Variants in COG5 observed in about 807,000 individuals in gnomAD.
The protein encoded by COG5 is component of oligomeric golgi complex 5, also known as conserved oligomeric Golgi complex subunit 5.
In COG5, 86 loss-of-function variants were observed where a neutral mutation model predicts 110.4. The ratio of observed to expected loss-of-function variants is 0.78; its 90% CI spans 0.65 to 0.93. The LOEUF is 0.93. COG5 is among the 40% of genes least tolerant of loss of function. The probability of loss-of-function intolerance (pLI) is 0.00; values close to 1 mark genes in which losing one functional copy is unlikely to be tolerated. For missense variants in COG5, 1,077 were observed against 987.0 expected, an observed-to-expected ratio of 1.09 and a Z score of -1.22; for synonymous variants, 360 against 334.6, an observed-to-expected ratio of 1.08 and a Z score of -0.83.
At chr7:107,340,143 G>GA (rs1366402263) in intron 10 of COG5, among the ~76,000 whole-genome samples, 2 of 151,136 alleles carry the variant, frequency 1.3e-5, no homozygotes, top group Admixed American at 6.6e-5. Flanking sequence ...GATTAACAAA[G>GA]AAAAAAAAGA....
intron 10 of COG5, among the ~76,000 whole-genome samples, chr7:107,342,157 G>A (rs1811215550): frequency 6.6e-6 from 1 of 151,858 alleles, no homozygotes; most frequent in Non-Finnish European, 1.5e-5. Context: ...GAATCTGTAA[G>A]GAACTTAATT....
At chr7:107,289,706 G>A (rs1036677674) in intron 12 of COG5, among the ~76,000 whole-genome samples, 1 of 152,006 alleles carries the variant, frequency 6.6e-6, no homozygotes, top group Non-Finnish European at 1.5e-5. Context: ...GTATAAATTT[G>A]CACTCCTTTT....
rs61088959 is a variant in COG5 at position 107,202,971 on chromosome 7, A to AT, written c.*544dup. ...GTTGTCTATTGGAATCATTTTGGGG[A>AT]TTTTTTTTTTTTTTAATAGTGGTGT... is the stretch of plus-strand genomic sequence containing the variant. On this transcript the variant is annotated 3_prime_UTR_variant, in exon 22 of 22. Transcript: ENST00000297135. The AT allele has an allele frequency of 1.8e-3, 266 of 144,128 alleles. 2 individuals carry two copies. Among genetic ancestry groups the AT allele is most frequent in the African/African-American group, 2.9e-3 (114 of 38,908 alleles). 8.9% of individuals were successfully genotyped at this position (144,128 alleles called of 1,614,324 possible).
chr7:107,413,006 TG>T (rs1194910645), intron 6 of COG5, among the ~76,000 whole-genome samples: 6 of 152,008 alleles, frequency 3.9e-5, no homozygotes, highest in Admixed American at 2.0e-4. Flanking sequence ...CTGCTGCTGT[TG>T]TTTTTTTTTT....
At chr7:107,242,538 G>C (rs1009370652) in intron 17 of COG5, among the ~76,000 whole-genome samples, 2 of 152,220 alleles carry the variant, frequency 1.3e-5, no homozygotes, top group Non-Finnish European at 2.9e-5. Context: ...CAAGAGCAGA[G>C]CCTCCAGTGG....
At chr7:107,301,986 A>T (rs2116938393) in intron 11 of COG5, among the ~76,000 whole-genome samples, 1 of 152,326 alleles carries the variant, frequency 6.6e-6, no homozygotes, top group African/African-American at 2.4e-5. Context: ...ATTTCATTAA[A>T]ATGTTAACTA....
At chr7:107,414,817 G>A (rs183121331) in intron 6 of COG5, among the ~76,000 whole-genome samples, 32 of 135,364 alleles carry the variant, frequency 2.4e-4, no homozygotes, top group African/African-American at 8.3e-4. Flanking sequence ...ACCTCCGCCC[G>A]CTGGGTTCAA....
intron 6 of COG5, among the ~76,000 whole-genome samples, chr7:107,444,592 A>G (rs139277884): frequency 6.6e-6 from 1 of 152,294 alleles, no homozygotes; most frequent in African/African-American, 2.4e-5. Context: ...TTCATAGCAC[A>G]TTGTTAATAT....
intron 7 of COG5, among the ~76,000 whole-genome samples, chr7:107,391,295 T>G (rs1302000744): frequency 6.6e-6 from 1 of 152,128 alleles, no homozygotes; most frequent in Non-Finnish European, 1.5e-5. Context: ...TCTGTGTCAG[T>G]GTACATTATT....
intron 7 of COG5, among the ~76,000 whole-genome samples, chr7:107,374,751 ATATT>A (rs777374014): frequency 1.3e-5 from 2 of 152,060 alleles, no homozygotes; most frequent in African/African-American, 2.4e-5. Context: ...ACAATTTACA[ATATT>A]TATAATTCTA....
chr7:107,511,638 A>T (rs1459329993), intron 6 of COG5, among the ~76,000 whole-genome samples: 1 of 152,212 alleles, frequency 6.6e-6, no homozygotes, highest in Admixed American at 6.5e-5. Context: ...CTGATGCAAA[A>T]ATCCTCAATA....
chr7:107,261,399 C>T (rs953642088), intron 14 of COG5, among the ~76,000 whole-genome samples: 3 of 152,062 alleles, frequency 2.0e-5, no homozygotes, highest in African/African-American at 7.2e-5. Context: ...CCCTTTACCC[C>T]TAAATATTTC....
chr7:107,223,627 T>C (rs1433053850), intron 19 of COG5, among the ~76,000 whole-genome samples: 1 of 152,196 alleles, frequency 6.6e-6, no homozygotes, highest in Non-Finnish European at 1.5e-5. Flanking sequence ...GGAGTTTAGA[T>C]TCTCTTTAAA....
intron 1 of COG5, among the ~76,000 whole-genome samples, 182 bp from the exon 2 acceptor site, chr7:107,558,297 A>G (rs1057329028): frequency 2.0e-5 from 3 of 152,170 alleles, no homozygotes; most frequent in African/African-American, 7.2e-5. Flanking sequence ...TGAGAAAGAG[A>G]TTAAAAAACA....
chr7:107,560,220 C>T (rs1273641557), intron 1 of COG5, among the ~76,000 whole-genome samples: 1 of 152,126 alleles, frequency 6.6e-6, no homozygotes, highest in African/African-American at 2.4e-5. Flanking sequence ...GCAAACACTA[C>T]AAAAATCAGG....
At chr7:107,487,036 T>C (rs928433903) in intron 6 of COG5, among the ~76,000 whole-genome samples, 2 of 152,170 alleles carry the variant, frequency 1.3e-5, no homozygotes, top group African/African-American at 4.8e-5. Context: ...ATTTTTGTAA[T>C]ATTGTGGTGA....
intron 17 of COG5, 134 bp from the exon 18 acceptor site, chr7:107,236,821 A>G (rs894447450): frequency 4.2e-6 from 3 of 715,858 alleles, no homozygotes; most frequent in Non-Finnish European, 5.0e-6. Flanking sequence ...AAAGACATTA[A>G]TTACTTTTTG....
chr7:107,366,413 T>C (rs1362821614), intron 8 of COG5, among the ~76,000 whole-genome samples: 1 of 152,106 alleles, frequency 6.6e-6, no homozygotes. Context: ...ATCTGATATA[T>C]GCATAAAGTT....
intron 21 of COG5, among the ~76,000 whole-genome samples, chr7:107,204,816 T>TC (rs1798640037): frequency 6.6e-6 from 1 of 152,216 alleles, no homozygotes; most frequent in African/African-American, 2.4e-5. Flanking sequence ...GATCTCTGCT[T>TC]CTTCCTGTCC....
Sources: gnomAD v4.1 joint callset for allele counts (sites outside exome capture counted in the v4.1 genomes callset) on GRCh38, gnomAD v4.1.1 for gene constraint, MANE v1.5 for transcripts, NCBI Gene and HGNC (gene_info 2026-07-23, HGNC 2026-07-21) for gene names.